Variants in OR9Q1 observed in about 807,000 individuals in gnomAD.
OR9Q1 encodes the protein olfactory receptor 9Q1.
For missense variants in OR9Q1, 374 were observed against 378.8 expected (o/e 0.99, Z 0.11); for synonymous variants, 153 against 148.6 (o/e 1.03, Z -0.22).
At chr11:58,109,049 A>G (rs1022482264) in intron 2 of OR9Q1, 1 of 464,344 alleles carries the variant, frequency 2.2e-6, no homozygotes, top group African/African-American at 2.0e-5. Flanking sequence ...AGGAACATGC[A>G]TTTTGCACAA....
chr11:58,033,827 G>A (rs1377549989), intron 1 of OR9Q1, among the ~76,000 whole-genome samples: 1 of 152,144 alleles, frequency 6.6e-6, no homozygotes, highest in East Asian at 1.9e-4. Context: ...TGAATAGTCA[G>A]GAGTTATGGA....
rs542705717 is a variant in OR9Q1 at position 58,045,565 on chromosome 11, G to T, written c.-92-10305G>T. ...ATATGTGCTTTGAAGGTGGTGTTGG[G>T]ATTAAATAAGACAATGTAAGTGAAG... On this transcript the variant is annotated intron_variant, in intron 1 of 2. Coordinates refer to ENST00000335397, the MANE Select transcript of OR9Q1 (RefSeq NM_001005212.4). Among the ~76,000 whole-genome samples, 46 of 152,216 alleles carry T rather than the reference G, an allele frequency of 3.0e-4. 2 individuals carry two copies. The South Asian group carries it at 9.3e-3, about 31-fold the overall frequency.
chr11:58,169,366 T>C (rs1854534404), intron 2 of OR9Q1, among the ~76,000 whole-genome samples: 1 of 152,198 alleles, frequency 6.6e-6, no homozygotes, highest in Admixed American at 6.6e-5. Context: ...TCCTTTTTTC[T>C]TTTTAAATAT....
chr11:58,031,976 TGAGACCAAA>T, intron 1 of OR9Q1: 1 of 841,278 alleles, frequency 1.2e-6, no homozygotes. Flanking sequence ...ACATTTAAGC[TGAGACCAAA>T]TCAAGAATGC....
intron 1 of OR9Q1, among the ~76,000 whole-genome samples, chr11:58,036,412 T>C (rs891676141): frequency 2.6e-5 from 4 of 152,234 alleles, no homozygotes; most frequent in Non-Finnish European, 1.5e-5. Flanking sequence ...TCATACCTCC[T>C]AACATAACAT....
At chr11:58,111,398 A>G (rs1365178635) in intron 2 of OR9Q1, among the ~76,000 whole-genome samples, 5 of 152,162 alleles carry the variant, frequency 3.3e-5, no homozygotes, top group African/African-American at 1.2e-4. Flanking sequence ...TCCTCTGTCA[A>G]AGGAGTTTCC....
chr11:58,100,767 C>A (rs535093607), intron 2 of OR9Q1, among the ~76,000 whole-genome samples: 2 of 151,934 alleles, frequency 1.3e-5, no homozygotes, highest in East Asian at 3.9e-4. Context: ...AGGTGGTCAT[C>A]AATGGATGAA....
At chr11:58,034,498 T>C (rs1316291680) in intron 1 of OR9Q1, among the ~76,000 whole-genome samples, 1 of 152,168 alleles carries the variant, frequency 6.6e-6, no homozygotes, top group Admixed American at 6.5e-5. Context: ...CATTTGAATT[T>C]TATAAAATTC....
Position 58,180,709 on chromosome 11 carries a change from T to A in OR9Q1, c.*332T>A, listed in dbSNP as rs1854657355. The A allele has an allele frequency of 5.0e-6, 1 of 201,356 alleles. No homozygotes were observed. The highest frequency in any genetic ancestry group is 1.6e-4 in the South Asian group (1 of 6,282). 12.5% of individuals were successfully genotyped at this position (201,356 alleles called of 1,614,324 possible). A position where few individuals can be genotyped will look rare whatever the true frequency, so the allele number is the denominator to read the frequency against. On this transcript the variant is annotated 3_prime_UTR_variant, in exon 3 of 3. Coordinates refer to ENST00000335397, the MANE Select transcript of OR9Q1 (RefSeq NM_001005212.4). ...TTTTTAATGAAAGATTTTCATCATA[T>A]AGAAATGTTAAAAATAATATGTAGG...
intron 2 of OR9Q1, among the ~76,000 whole-genome samples, chr11:58,169,842 G>GT (rs941662240): frequency 1.3e-4 from 20 of 150,944 alleles, no homozygotes; most frequent in African/African-American, 2.7e-4. Context: ...AAAGAAAGCT[G>GT]TTTTTTTTCT....
chr11:58,177,155 G>T (rs1854613751), intron 2 of OR9Q1, among the ~76,000 whole-genome samples: 1 of 152,160 alleles, frequency 6.6e-6, no homozygotes, highest in Admixed American at 6.5e-5. Flanking sequence ...CTACAACTCT[G>T]CCAAAGAACT....
intron 2 of OR9Q1, among the ~76,000 whole-genome samples, chr11:58,112,673 C>A (rs1346197641): frequency 6.6e-6 from 1 of 152,156 alleles, no homozygotes; most frequent in Non-Finnish European, 1.5e-5. Flanking sequence ...AATGTCCCAA[C>A]CATGAACGTC....
At chr11:58,094,426 T>A (rs1853712514) in intron 2 of OR9Q1, among the ~76,000 whole-genome samples, 3 of 152,306 alleles carry the variant, frequency 2.0e-5, no homozygotes, top group Middle Eastern at 3.4e-3. Flanking sequence ...ATGTACCTTT[T>A]AAGTTTATAT....
At chr11:58,094,470 A>G (rs1170437968) in intron 2 of OR9Q1, among the ~76,000 whole-genome samples, 1 of 152,192 alleles carries the variant, frequency 6.6e-6, no homozygotes, top group East Asian at 1.9e-4. Context: ...ACAACAAAAC[A>G]GTGTTGTTTC....
At chr11:58,075,358 T>A (rs114983545) in intron 2 of OR9Q1, 4 of 152,204 alleles carry the variant, frequency 2.6e-5, no homozygotes, top group Non-Finnish European at 5.9e-5. Context: ...GATTTTATTC[T>A]CTAGCGAAGA....
chr11:58,053,796 CT>C (rs986278176), intron 1 of OR9Q1, among the ~76,000 whole-genome samples: 1 of 151,708 alleles, frequency 6.6e-6, no homozygotes, highest in African/African-American at 2.4e-5. Context: ...TGTCAACATT[CT>C]TTTTCGGAAC....
chr11:58,091,757 A>G (rs907725530), intron 2 of OR9Q1, among the ~76,000 whole-genome samples: 1 of 152,096 alleles, frequency 6.6e-6, no homozygotes, highest in African/African-American at 2.4e-5. Context: ...GTTTCCCAGT[A>G]TTACTGTATG....
At chr11:58,103,887 C>T (rs1162570982) in intron 2 of OR9Q1, among the ~76,000 whole-genome samples, 3 of 152,122 alleles carry the variant, frequency 2.0e-5, no homozygotes, top group East Asian at 3.9e-4. Flanking sequence ...GTGAGTGTCT[C>T]AGTGGGTTAG....
intron 1 of OR9Q1, among the ~76,000 whole-genome samples, chr11:58,045,857 C>T (rs11229229): frequency 0.14 from 21,144 of 152,192 alleles, 1,776 homozygotes; most frequent in South Asian, 0.22. Context: ...GCACTACTGA[C>T]ACAGGGGCTG....
Sources: gnomAD v4.1 joint callset for allele counts (sites outside exome capture counted in the v4.1 genomes callset) on GRCh38, gnomAD v4.1.1 for gene constraint, MANE v1.5 for transcripts, NCBI Gene and HGNC (gene_info 2026-07-23, HGNC 2026-07-21) for gene names.